Variants in DAAM1 observed in about 807,000 individuals in gnomAD.
The protein encoded by DAAM1 is dishevelled associated activator of morphogenesis 1, also known as disheveled-associated activator of morphogenesis 1.
DAAM1 carries 52 observed loss-of-function variants against 130.0 expected under a neutral mutation model. The ratio of observed to expected loss-of-function variants is 0.40; its 90% CI spans 0.32 to 0.50. DAAM1 has a LOEUF of 0.50. Ranked by LOEUF, DAAM1 falls within the 20% of genes least tolerant of loss-of-function variation. The pLI, the probability that DAAM1 is intolerant of heterozygous loss-of-function variation, is 0.61. For missense variants in DAAM1, 1,134 were observed against 1,303.8 expected (o/e 0.87, Z 2.01); for synonymous variants, 452 against 444.5 (o/e 1.02, Z -0.21).
At chr14:59,368,626 G>GAGGTTATTTCTTTCTATT in intron 24 of DAAM1, 24 bp from the exon 25 acceptor site, 3 of 1,602,234 alleles carry the variant, frequency 1.9e-6, no homozygotes, top group Non-Finnish European at 2.6e-6. Context: ...ATGTCTCAAA[G>GAGGTTATTTCTTTCTATT]AGGTTATTTC....
Position 59,359,475 on chromosome 14 carries a change from G to A in DAAM1, c.2604G>A (p.Leu868=). ...YPSVLNLNEE[L]RDIPQAAKVN... Reference sequence around the variant, plus strand: ...GTGTTCTCAATCTAAATGAAGAATTGCGAGATATTCCTCAAGCTGCGAAAG... The same window carrying A: ...GTGTTCTCAATCTAAATGAAGAATTACGAGATATTCCTCAAGCTGCGAAAG... Residue 868 remains leucine, a synonymous_variant, in exon 21 of 25, where the codon TTG becomes TTA. Coordinates refer to ENST00000360909, the MANE Select transcript of DAAM1 (RefSeq NM_001270520.2). 6.2e-7 allele frequency: 1 copy of A among 1,613,788 alleles called. No homozygotes were observed.
chr14:59,207,269 A>G (rs1303281201), intron 1 of DAAM1, among the ~76,000 whole-genome samples: 1 of 152,220 alleles, frequency 6.6e-6, no homozygotes, highest in Non-Finnish European at 1.5e-5. Context: ...TAAGGCAATT[A>G]TATCACTACC....
intron 3 of DAAM1, among the ~76,000 whole-genome samples, chr14:59,309,601 T>G (rs1224457270): frequency 6.6e-6 from 1 of 152,204 alleles, no homozygotes; most frequent in Non-Finnish European, 1.5e-5. Flanking sequence ...CATTCAAGTG[T>G]TCTCTGTGGC....
chr14:59,364,347 A>G (rs1886831969), intron 23 of DAAM1, among the ~76,000 whole-genome samples: 1 of 151,022 alleles, frequency 6.6e-6, no homozygotes, highest in Non-Finnish European at 1.5e-5. Context: ...TTTTTTCAGT[A>G]AGACATTTAT....
rs146093020 is a variant in DAAM1, at chr14:59,245,830, A to G, written c.-37-17611A>G. Among the ~76,000 whole-genome samples, 462 of 152,300 alleles carry G rather than the reference A, an allele frequency of 3.0e-3. 2 individuals are homozygous for G. Among genetic ancestry groups the G allele is most frequent in the African/African-American group, 0.011 (442 of 41,570 alleles). On this transcript the variant is annotated intron_variant, in intron 1 of 24. Transcript: ENST00000360909. ...AGTTGAACAGATTGTTTTCATTTTG[A>G]GGACTAACAATTGTAGAGTTGAGTG...
At chr14:59,327,402 CTTTTTTTTTTTTT>C (rs386381493) in intron 12 of DAAM1, among the ~76,000 whole-genome samples, 3 of 58,992 alleles carry the variant, frequency 5.1e-5, no homozygotes, top group African/African-American at 1.5e-4. Flanking sequence ...CACTTGGTTT[CTTTTTTTTTTTTT>C]TTTTTTTTTT....
chr14:59,368,584 C>A, intron 24 of DAAM1, 66 bp from the exon 25 acceptor site: 1 of 1,497,650 alleles, frequency 6.7e-7, no homozygotes, highest in Non-Finnish European at 9.1e-7. Flanking sequence ...AAGGAATTGA[C>A]CTCTACTGCA....
chr14:59,367,621 C>A, intron 24 of DAAM1, 22 bp downstream of exon 24: 2 of 1,605,870 alleles, frequency 1.2e-6, no homozygotes, highest in Non-Finnish European at 1.7e-6. Flanking sequence ...ATTAATTGAC[C>A]AATTCCACCT....
rs981805255 is a variant in DAAM1, at chr14:59,358,350, C to G, written c.2526-1047C>G. 3.3e-5 allele frequency among the ~76,000 whole-genome samples: 5 copies of G among 152,278 alleles called. No homozygotes were observed. The East Asian group carries it at 9.6e-4, about 29-fold the overall frequency. On this transcript the variant is annotated intron_variant, in intron 20 of 24. Transcript: ENST00000360909. ...CAGTCAGAGTTCAGCCCTGTCACCA[C>G]CAGAGAGGGAGCTGGCACAACCAAC...
chr14:59,282,432 C>T (rs536694407), intron 2 of DAAM1, among the ~76,000 whole-genome samples: 12 of 152,226 alleles, frequency 7.9e-5, no homozygotes, highest in Middle Eastern at 3.4e-3. Context: ...AATTGAAGTT[C>T]AGAGGCTGAG....
intron 14 of DAAM1, 23 bp downstream of exon 14, chr14:59,331,531 C>T (rs1594829393): frequency 1.3e-6 from 2 of 1,559,594 alleles, no homozygotes; most frequent in Non-Finnish European, 1.7e-6. Flanking sequence ...TTCCAGTTTT[C>T]CCTTTAATGG....
chr14:59,258,803 C>T (rs1178512210), intron 1 of DAAM1, among the ~76,000 whole-genome samples: 2 of 152,138 alleles, frequency 1.3e-5, no homozygotes, highest in Non-Finnish European at 2.9e-5. Flanking sequence ...ATTTGGGGAT[C>T]CATGGAGGAG....
intron 24 of DAAM1, among the ~76,000 whole-genome samples, chr14:59,368,262 G>C (rs543691868): frequency 6.6e-6 from 1 of 152,050 alleles, no homozygotes; most frequent in Non-Finnish European, 1.5e-5. Flanking sequence ...CACAAGCTAA[G>C]CCTTTGATAT....
At chr14:59,237,776 G>A (rs953798110) in intron 1 of DAAM1, among the ~76,000 whole-genome samples, 3 of 152,130 alleles carry the variant, frequency 2.0e-5, no homozygotes, top group African/African-American at 7.2e-5. Context: ...GGAGCCAGTA[G>A]GTCAGTGGGA....
intron 17 of DAAM1, among the ~76,000 whole-genome samples, chr14:59,349,599 G>T (rs1351936065): frequency 6.6e-6 from 1 of 152,288 alleles, no homozygotes; most frequent in East Asian, 1.9e-4. Context: ...TCCTTACTCC[G>T]ATTTAGGATG....
intron 2 of DAAM1, among the ~76,000 whole-genome samples, chr14:59,290,835 C>T (rs968609708): frequency 6.6e-6 from 1 of 152,170 alleles, no homozygotes; most frequent in African/African-American, 2.4e-5. Context: ...AAGCCATCCC[C>T]AGCAAATCCT....
chr14:59,234,750 T>C (rs531887091), intron 1 of DAAM1, among the ~76,000 whole-genome samples: 3 of 152,314 alleles, frequency 2.0e-5, no homozygotes, highest in East Asian at 3.9e-4. Flanking sequence ...CAGTATGATA[T>C]TGGTATGGGT....
In DAAM1 at chr14:59,310,970, C is replaced by A. The variant is rs200090592; in HGVS notation, c.274-4310C>A. ...AAGAACATCTTAAACTGAAAAAAAA[C>A]AAAAAAAACAAACAAAAAAACTCTG... On this transcript the variant is annotated intron_variant, in intron 3 of 24. Transcript: ENST00000360909. 5.3e-5 allele frequency among the ~76,000 whole-genome samples: 8 copies of A among 150,870 alleles called. No individual in the cohort carries two copies. The East Asian group carries it at 9.7e-4, about 18-fold the overall frequency.
chr14:59,211,000 C>T (rs1234304488), intron 1 of DAAM1, among the ~76,000 whole-genome samples: 6 of 152,180 alleles, frequency 3.9e-5, no homozygotes, highest in Non-Finnish European at 7.3e-5. Flanking sequence ...ATTGCCTGTA[C>T]AGCACCTAAA....
Sources: allele counts gnomAD v4.1 joint callset (sites outside exome capture counted in the v4.1 genomes callset), GRCh38; gene constraint gnomAD v4.1.1; transcripts MANE v1.5; gene names NCBI Gene and HGNC (gene_info 2026-07-23, HGNC 2026-07-21).